Variants in PDZRN4 observed in about 807,000 individuals in gnomAD.
PDZRN4 encodes the protein PDZ domain containing ring finger 4.
Under a neutral mutation model 99.0 loss-of-function variants are expected in PDZRN4, and 70 were observed. That is an observed-to-expected ratio of 0.71 (90% CI 0.58 to 0.86). The LOEUF (loss-of-function observed/expected upper bound fraction) is 0.86. Among genes scored for constraint, PDZRN4 ranks in the 40% least tolerant of loss-of-function variants. The probability of loss-of-function intolerance (pLI) is 0.00; values close to 1 mark genes in which losing one functional copy is unlikely to be tolerated. For synonymous variants in PDZRN4, 551 were observed against 501.6 expected (o/e 1.10, Z -1.32); for missense variants, 1,474 against 1,331.2 (o/e 1.11, Z -1.67).
chr12:41,237,985 T>C (rs1951078187), intron 3 of PDZRN4, among the ~76,000 whole-genome samples: 1 of 151,958 alleles, frequency 6.6e-6, no homozygotes, highest in Non-Finnish European at 1.5e-5. Flanking sequence ...TTTAAAATAG[T>C]TTTTTTTCTA....
intron 3 of PDZRN4, among the ~76,000 whole-genome samples, chr12:41,484,353 C>A (rs937314022): frequency 2.6e-4 from 40 of 152,124 alleles, no homozygotes; most frequent in African/African-American, 8.0e-4. Flanking sequence ...TGCAACCAAC[C>A]AACTAACTTG....
chr12:41,274,622 G>T (rs1951337782), intron 3 of PDZRN4, among the ~76,000 whole-genome samples: 1 of 152,134 alleles, frequency 6.6e-6, no homozygotes, highest in South Asian at 2.1e-4. Context: ...TGTATCCCTA[G>T]ACACTACTGA....
chr12:41,518,711 G>A (rs968956038), intron 5 of PDZRN4, among the ~76,000 whole-genome samples: 3 of 152,090 alleles, frequency 2.0e-5, no homozygotes, highest in South Asian at 2.1e-4. Context: ...TTTATTTAAA[G>A]CACATTTTAA....
chr12:41,496,383 G>A (rs1938004143), intron 3 of PDZRN4, among the ~76,000 whole-genome samples: 1 of 152,046 alleles, frequency 6.6e-6, no homozygotes, highest in Non-Finnish European at 1.5e-5. Flanking sequence ...GTTTTTATTT[G>A]ATCCTATCTG....
intron 6 of PDZRN4, among the ~76,000 whole-genome samples, chr12:41,555,241 A>AAAAAAGAAAAG (rs35843969): frequency 0.68 from 81,395 of 119,814 alleles, 29,074 homozygotes; most frequent in Middle Eastern, 0.86. Context: ...AAAAAAAAAA[A>AAAAAAGAAAAG]AAAAAAAAGA....
rs184790675 is a variant in PDZRN4, at chr12:41,415,690, T to C, written c.844-90766T>C. ...TACCTTATGGTAGATAAAACATAAT[T>C]ATTTGGAAATGAGAAATTGTGTCCA... On this transcript the variant is annotated intron_variant, in intron 3 of 9. Coordinates refer to ENST00000402685, the MANE Select transcript of PDZRN4 (RefSeq NM_001164595.2). Among the ~76,000 whole-genome samples the C allele has an allele frequency of 1.4e-3, 219 of 152,260 alleles. 4 individuals carry two copies. Among genetic ancestry groups the C allele is most frequent in the Non-Finnish European group, 2.4e-4 (16 of 68,006 alleles).
chr12:41,476,428 A>T (rs1292874540), intron 3 of PDZRN4, among the ~76,000 whole-genome samples: 1 of 152,214 alleles, frequency 6.6e-6, no homozygotes, highest in Non-Finnish European at 1.5e-5. Flanking sequence ...CTAGTGTTTA[A>T]ATGCCATTCT....
At chr12:41,189,202 C>T in intron 1 of PDZRN4, 99 bp downstream of exon 1, 1 of 1,136,708 alleles carries the variant, frequency 8.8e-7, no homozygotes, top group East Asian at 2.7e-5. Flanking sequence ...ATTGGGCATC[C>T]TTCCTCACTA....
At chr12:41,569,091 C>A (rs1036053017) in intron 9 of PDZRN4, among the ~76,000 whole-genome samples, 1 of 149,318 alleles carries the variant, frequency 6.7e-6, no homozygotes, top group Non-Finnish European at 1.5e-5. Context: ...CATGAGCCAC[C>A]GTGCCCTGTC....
intron 6 of PDZRN4, among the ~76,000 whole-genome samples, chr12:41,555,024 C>T (rs368100904): frequency 2.9e-5 from 4 of 138,410 alleles, no homozygotes; most frequent in East Asian, 4.3e-4. Flanking sequence ...CGGGCTAACA[C>T]GGTGAAACCC....
chr12:41,482,455 G>A (rs1170556705), intron 3 of PDZRN4, among the ~76,000 whole-genome samples: 2 of 152,136 alleles, frequency 1.3e-5, no homozygotes, highest in East Asian at 3.9e-4. Context: ...CCAACCAATA[G>A]TATTTGTCAC....
rs576879601 is a variant in PDZRN4, at chr12:41,443,573, GC to G, written c.844-62881del. Among the ~76,000 whole-genome samples the G allele has an allele frequency of 4.6e-5, 7 of 152,182 alleles. No homozygotes were observed. The South Asian group carries it at 1.4e-3, about 31-fold the overall frequency. On this transcript the variant is annotated intron_variant, in intron 3 of 9. Transcript: ENST00000402685. ...GATTTGGTTATGGTGTGTGTTTGGG[GC>G]CAATTGGGCTTGATTTGGGGATGGT...
intron 3 of PDZRN4, among the ~76,000 whole-genome samples, chr12:41,402,106 ACACACTGAG>A (rs1419886006): frequency 8.7e-5 from 9 of 103,522 alleles, no homozygotes; most frequent in African/African-American, 4.1e-4. Context: ...ATATATATAT[ACACACTGAG>A]TATATATATA....
chr12:41,390,339 G>A (rs1289675054), intron 3 of PDZRN4, among the ~76,000 whole-genome samples: 4 of 152,004 alleles, frequency 2.6e-5, no homozygotes, highest in East Asian at 1.9e-4. Context: ...AGATATTTGC[G>A]TTAATGTTTT....
intron 3 of PDZRN4, among the ~76,000 whole-genome samples, chr12:41,196,037 T>C (rs1036477894): frequency 2.6e-5 from 4 of 152,248 alleles, no homozygotes; most frequent in South Asian, 4.1e-4. Flanking sequence ...GCTTCATTAA[T>C]GTTACATTAG....
intron 3 of PDZRN4, among the ~76,000 whole-genome samples, chr12:41,379,933 T>C (rs1296943501): frequency 1.3e-5 from 2 of 152,068 alleles, no homozygotes; most frequent in African/African-American, 4.8e-5. Context: ...ATTCCTTGTT[T>C]CCTACTATTA....
intron 9 of PDZRN4, among the ~76,000 whole-genome samples, chr12:41,568,250 A>G (rs897630750): frequency 6.6e-6 from 1 of 152,162 alleles, no homozygotes; most frequent in Non-Finnish European, 1.5e-5. Context: ...AGCTTCCCCA[A>G]TAAGTAATTT....
At chr12:41,280,319 G>A (rs1951375112) in intron 3 of PDZRN4, among the ~76,000 whole-genome samples, 1 of 152,126 alleles carries the variant, frequency 6.6e-6, no homozygotes, top group Non-Finnish European at 1.5e-5. Context: ...AGCTGTGGGA[G>A]TTTTTTTCCG....
intron 3 of PDZRN4, among the ~76,000 whole-genome samples, chr12:41,497,457 G>A (rs11180961): frequency 0.15 from 23,065 of 151,948 alleles, 2,152 homozygotes; most frequent in Non-Finnish European, 0.21. Context: ...TCAGTGAATA[G>A]GTTTATTAAT....
Sources: allele counts gnomAD v4.1 joint callset (sites outside exome capture counted in the v4.1 genomes callset), GRCh38; gene constraint gnomAD v4.1.1; transcripts MANE v1.5; gene names NCBI Gene and HGNC (gene_info 2026-07-23, HGNC 2026-07-21).